Variants in HCN2 observed in about 807,000 individuals in gnomAD.
The protein encoded by HCN2 is hyperpolarization activated cyclic nucleotide gated potassium and sodium channel 2.
In HCN2, 20 loss-of-function variants were observed where a neutral mutation model predicts 52.3. That is an observed-to-expected ratio of 0.38 (90% CI 0.27 to 0.56). The LOEUF is 0.56. HCN2 is among the 20% of genes least tolerant of loss of function. HCN2 has a pLI of 0.71. For missense variants in HCN2, 981 were observed against 1,207.7 expected, an observed-to-expected ratio of 0.81 and a Z score of 2.78; for synonymous variants, 694 against 537.0, an observed-to-expected ratio of 1.29 and a Z score of -4.04.
At chr19:599,906 CTCA>C (rs879464136) in intron 1 of HCN2, among the ~76,000 whole-genome samples, 6 of 140,482 alleles carry the variant, frequency 4.3e-5, no homozygotes, top group Non-Finnish European at 9.5e-5. Context: ...GTCAGAGGGT[CTCA>C]TGTTACCCAG....
At chr19:607,841 T>G in intron 3 of HCN2, 123 bp from the exon 4 acceptor site, 1 of 682,730 alleles carries the variant, frequency 1.5e-6, no homozygotes, top group Non-Finnish European at 2.5e-6. Flanking sequence ...CTTGGTTACC[T>G]CTGAACATGG....
At position 607,604 on chromosome 19, in the gene HCN2, C is replaced by T. The variant is rs55644518; in HGVS notation, c.1219-360C>T. Among the ~76,000 whole-genome samples, 1,195 of 152,326 alleles carry T rather than the reference C, an allele frequency of 7.8e-3. 17 individuals carry two copies. The highest frequency in any genetic ancestry group is 0.026 in the South Asian group (127 of 4,828). On this transcript the variant is annotated intron_variant, in intron 3 of 7. Coordinates refer to ENST00000251287, the MANE Select transcript of HCN2 (RefSeq NM_001194.4). ...CCTGGGCCGGCCTGGTGTCTCTGCC[C>T]GCCCTGCCCCTCTGCTCTGGCCCAG...
chr19:595,712 A>G (rs1983008278), intron 1 of HCN2, among the ~76,000 whole-genome samples: 2 of 151,436 alleles, frequency 1.3e-5, no homozygotes, highest in East Asian at 1.9e-4. Context: ...CCCCGTCGGG[A>G]TCACCCGGGA....
At chr19:609,682 CT>C (rs1378054228) in intron 4 of HCN2, among the ~76,000 whole-genome samples, 2 of 152,164 alleles carry the variant, frequency 1.3e-5, no homozygotes, top group Non-Finnish European at 2.9e-5. Flanking sequence ...GGGAGGATCC[CT>C]TGAGCCCAGG....
chr19:593,634 GGAA>G (rs1050742671), intron 1 of HCN2, among the ~76,000 whole-genome samples: 6 of 152,072 alleles, frequency 3.9e-5, no homozygotes, highest in East Asian at 1.9e-4. Context: ...AAAAAGAAAA[GGAA>G]GAAGAAGTGC....
rs1445183061 is a variant in HCN2, at chr19:615,958, G to T, written c.2154G>T (p.Pro718=). ...GQRVGLFPPP[P]PPPQVTSAIA... ...GCGTGGGCCTCTTCCCGCCGCCGCC[G>T]CCGCCGCCGCAGGTCACCTCGGCCA... The change falls in exon 8 of 8, where the codon CCG becomes CCT. Residue 718 remains proline (P), a synonymous_variant. Transcript: ENST00000251287. The T allele has an allele frequency of 1.9e-6, 3 of 1,603,368 alleles. No individual in the cohort carries two copies. In the South Asian group the frequency reaches 3.3e-5, roughly 18 times the overall value.
At chr19:611,803 G>A (rs907237371) in intron 5 of HCN2, among the ~76,000 whole-genome samples, 8 of 152,074 alleles carry the variant, frequency 5.3e-5, no homozygotes, top group East Asian at 1.9e-4. Flanking sequence ...GGCAACCCAC[G>A]CTACTTAGTC....
intron 1 of HCN2, among the ~76,000 whole-genome samples, chr19:598,600 C>T (rs1342366240): frequency 6.6e-6 from 1 of 151,374 alleles, no homozygotes; most frequent in Non-Finnish European, 1.5e-5. Context: ...GCCCCTGCAC[C>T]CACCCTTCCC....
chr19:596,123 A>T (rs749755596), intron 1 of HCN2, among the ~76,000 whole-genome samples: 24 of 152,188 alleles, frequency 1.6e-4, no homozygotes, highest in Non-Finnish European at 3.1e-4. Flanking sequence ...CCCAAGCTTC[A>T]TCCAGCCCTG....
intron 1 of HCN2, among the ~76,000 whole-genome samples, chr19:595,442 C>T (rs1451163088): frequency 5.3e-5 from 8 of 152,168 alleles, no homozygotes; most frequent in Non-Finnish European, 1.0e-4. Context: ...TCCCTGGCTC[C>T]AGCCCTCCCC....
Position 590,769 on chromosome 19 carries a change from G to A in HCN2, c.632+192G>A, listed in dbSNP as rs113053085. The stretch of plus-strand genomic sequence containing the variant: ...GGCGCGCGAGGCTCCGCCTCTGGGG[G>A]GGCTCCCCGGGTGACCGCGGAGCGC... On this transcript the variant is annotated intron_variant, in intron 1 of 7. Coordinates refer to ENST00000251287, the MANE Select transcript of HCN2 (RefSeq NM_001194.4). The surrounding 1 kb of genome is among the most constrained non-coding windows in gnomAD (Gnocchi z 7.2). The A allele has an allele frequency of 1.8e-5, 6 of 329,776 alleles. No homozygotes were observed. The highest frequency in any genetic ancestry group is 3.2e-5 in the Non-Finnish European group (6 of 186,556). 20.4% of individuals were successfully genotyped at this position (329,776 alleles called of 1,614,324 possible).
In HCN2 at chr19:610,295, C is replaced by T. The variant is rs1983572204; in HGVS notation, c.1474C>T (p.Leu492=). The part of the protein sequence containing the change: ...QVEQYMSFHK[L]PADFRQKIHD... ...GGAGCAGTACATGTCCTTCCACAAG[C>T]TGCCAGCTGACTTCCGCCAGAAGAT... is the stretch of plus-strand genomic sequence containing the variant. The change falls in exon 5 of 8, where the codon CTG becomes TTG. Residue 492 remains leucine (L), a synonymous_variant. Coordinates refer to ENST00000251287, the MANE Select transcript of HCN2 (RefSeq NM_001194.4). The T allele has an allele frequency of 6.2e-7, 1 of 1,613,750 alleles. No individual in the cohort carries two copies.
chr19:613,025 G>A (rs1291802645), intron 5 of HCN2, among the ~76,000 whole-genome samples: 1 of 152,200 alleles, frequency 6.6e-6, no homozygotes, highest in Non-Finnish European at 1.5e-5. Flanking sequence ...TGGTCCGATT[G>A]TATTGGCAGA....
At chr19:609,835 G>A (rs1382973171) in intron 4 of HCN2, among the ~76,000 whole-genome samples, 2 of 152,204 alleles carry the variant, frequency 1.3e-5, no homozygotes, top group South Asian at 2.1e-4. Flanking sequence ...CATAGGCGGA[G>A]GCTGCAGTGA....
rs929725174 is a variant in HCN2 at position 615,662 on chromosome 19, A to C, written c.1991-133A>C. ...TGCTACATATGTGCTTATTGTATAC[A>C]GTAGGTGGTAAATGCATGCTTGCTC... On this transcript the variant is annotated intron_variant, in intron 7 of 7. Coordinates refer to ENST00000251287, the MANE Select transcript of HCN2 (RefSeq NM_001194.4). The C allele has an allele frequency of 4.5e-5, 35 of 781,574 alleles. No individual in the cohort carries two copies. In the African/African-American group the frequency reaches 5.6e-4, roughly 12 times the overall value. The allele number at this position is 781,574 out of a possible 1,614,324, so 48.4% of individuals were successfully genotyped here.
At chr19:596,751 G>C (rs1181193169) in intron 1 of HCN2, among the ~76,000 whole-genome samples, 1 of 152,158 alleles carries the variant, frequency 6.6e-6, no homozygotes, top group Non-Finnish European at 1.5e-5. Context: ...CAGAGTGTGA[G>C]GGGGAGTGGG....
At chr19:598,953 TG>T (rs1289449331) in intron 1 of HCN2, among the ~76,000 whole-genome samples, 5 of 152,092 alleles carry the variant, frequency 3.3e-5, no homozygotes, top group South Asian at 2.1e-4. Flanking sequence ...GGGTGGTTCT[TG>T]GGGGGTGTCC....
At chr19:612,412 GT>G (rs1983677993) in intron 5 of HCN2, among the ~76,000 whole-genome samples, 2 of 128,772 alleles carry the variant, frequency 1.6e-5, no homozygotes, top group Non-Finnish European at 3.6e-5. Flanking sequence ...GTGTGTGTGT[GT>G]GTGTGTGTGT....
intron 5 of HCN2, among the ~76,000 whole-genome samples, chr19:612,427 T>TGTGAGAGTGTGTGTGAGAGA: frequency 1.4e-5 from 2 of 142,256 alleles, no homozygotes; most frequent in Admixed American, 1.4e-4. Context: ...TGTGTGTGTG[T>TGTGAGAGTGTGTGTGAGAGA]GAGAGAGAGA....
Sources: allele counts gnomAD v4.1 joint callset (sites outside exome capture counted in the v4.1 genomes callset), GRCh38; gene constraint gnomAD v4.1.1; non-coding constraint Gnocchi (gnomAD v3.1); transcripts MANE v1.5; gene names NCBI Gene and HGNC (gene_info 2026-07-23, HGNC 2026-07-21).